GTF2I: variants seen among roughly 807,000 people sequenced by gnomAD.
GTF2I encodes general transcription factor II-I.
Under a neutral mutation model 67.6 loss-of-function variants are expected in GTF2I, and 12 were observed. The observed-to-expected ratio is 0.18, with a 90% CI of 0.11 to 0.29. GTF2I has a LOEUF of 0.29. GTF2I is among the 10% of genes least tolerant of loss of function. GTF2I has a pLI of 1.00. For missense variants in GTF2I, 271 were observed against 580.1 expected, an observed-to-expected ratio of 0.47 and a Z score of 5.47; for synonymous variants, 149 against 197.0, an observed-to-expected ratio of 0.76 and a Z score of 2.04.
chr7:74,720,715 C>G (rs1185902270), intron 12 of GTF2I, among the ~76,000 whole-genome samples: 1 of 147,466 alleles, frequency 6.8e-6, no homozygotes, highest in Non-Finnish European at 1.5e-5. Context: ...TTTGATTTGT[C>G]AAATCTTAAA....
intron 1 of GTF2I, among the ~76,000 whole-genome samples, chr7:74,686,779 A>C (rs1386275520): frequency 1.2e-4 from 18 of 152,176 alleles, no homozygotes. Flanking sequence ...TTACCTATTC[A>C]CTTGCTTGAT....
intron 2 of GTF2I, among the ~76,000 whole-genome samples, chr7:74,689,774 G>A (rs1375984297): frequency 6.6e-6 from 1 of 152,064 alleles, no homozygotes; most frequent in Admixed American, 6.6e-5. Flanking sequence ...GGGGTGCAAT[G>A]GCATGATATA....
chr7:74,681,399 C>T (rs1436809431), intron 1 of GTF2I, among the ~76,000 whole-genome samples: 3 of 151,626 alleles, frequency 2.0e-5, no homozygotes, highest in African/African-American at 4.9e-5. Context: ...CGTGCCATTG[C>T]ACTCTAGCCT....
chr7:74,714,773 C>A, intron 9 of GTF2I, 84 bp from the exon 10 acceptor site: 1 of 721,654 alleles, frequency 1.4e-6, no homozygotes, highest in Non-Finnish European at 2.3e-6. Flanking sequence ...TTCCATGTAT[C>A]TCACCCAAAT....
intron 3 of GTF2I, among the ~76,000 whole-genome samples, chr7:74,695,894 G>A (rs1788843359): frequency 6.6e-6 from 1 of 152,048 alleles, no homozygotes; most frequent in Non-Finnish European, 1.5e-5. Flanking sequence ...CCTGGCTTAT[G>A]TGGTTCTCCA....
chr7:74,695,610 T>C (rs587636843), intron 3 of GTF2I, among the ~76,000 whole-genome samples: 1 of 152,320 alleles, frequency 6.6e-6, no homozygotes, highest in South Asian at 2.1e-4. Flanking sequence ...TTCCCAATTG[T>C]ATTTTTAGTT....
intron 7 of GTF2I, among the ~76,000 whole-genome samples, chr7:74,705,436 CTG>C (rs1262140721): frequency 6.6e-6 from 1 of 152,054 alleles, no homozygotes; most frequent in African/African-American, 2.4e-5. Flanking sequence ...ATTGGTCACA[CTG>C]TGAATTGGCC....
intron 9 of GTF2I, among the ~76,000 whole-genome samples, chr7:74,712,750 G>A (rs587709151): frequency 9.7e-5 from 14 of 143,866 alleles, no homozygotes; most frequent in African/African-American, 3.4e-4. Context: ...TGCAACCTCC[G>A]CTTGCCGGGT....
intron 1 of GTF2I, among the ~76,000 whole-genome samples, chr7:74,688,005 A>G (rs782075118): frequency 6.6e-6 from 1 of 152,116 alleles, no homozygotes; most frequent in Middle Eastern, 3.2e-3. Context: ...TCAGTTTTAG[A>G]AATTTGCTTT....
rs1223244493 is a variant in GTF2I, at chr7:74,750,155, AATGGGCCGGGTGCGGCC to A, written c.2420+707_2420+723del. The stretch of plus-strand genomic sequence containing the variant: ...GGCTAACATAATTGAAATAGATAGG[AATGGGCCGGGTGCGGCC>A]ATAAATCCCAGCACTGTGGGAGGCT... On this transcript the variant is annotated intron_variant, in intron 26 of 34. Transcript: ENST00000573035. Among the ~76,000 whole-genome samples, 147 of 90,618 alleles carry A rather than the reference AATGGGCCGGGTGCGGCC, an allele frequency of 1.6e-3. 2 individuals are homozygous for A. The South Asian group carries it at 0.041, about 25-fold the overall frequency. 59.4% of individuals were successfully genotyped at this position (90,618 alleles called of 152,430 possible). A position where few individuals can be genotyped will look rare whatever the true frequency, so the allele number is the denominator to read the frequency against.
chr7:74,687,127 G>A (rs1032977924), intron 1 of GTF2I, among the ~76,000 whole-genome samples: 14 of 152,118 alleles, frequency 9.2e-5, no homozygotes, highest in Admixed American at 7.9e-4. Flanking sequence ...CTGGCCTCAT[G>A]AGAGTCACCT....
intron 6 of GTF2I, 112 bp from the exon 7 acceptor site, chr7:74,705,052 T>A: frequency 1.4e-6 from 1 of 715,662 alleles, no homozygotes; most frequent in Non-Finnish European, 2.5e-6. Flanking sequence ...TCTGGTGTGA[T>A]CCAGAGCTGC....
intron 1 of GTF2I, among the ~76,000 whole-genome samples, chr7:74,685,109 A>C (rs1248892929): frequency 2.0e-5 from 3 of 152,270 alleles, no homozygotes; most frequent in African/African-American, 7.2e-5. Flanking sequence ...GCAACCAATT[A>C]GAGGCTGACT....
chr7:74,676,180 T>C (rs1261791507), intron 1 of GTF2I, among the ~76,000 whole-genome samples: 1 of 152,162 alleles, frequency 6.6e-6, no homozygotes, highest in African/African-American at 2.4e-5. Context: ...AGATCCATTT[T>C]GTAAATTGTG....
At chr7:74,672,065 G>A (rs1197311575) in intron 1 of GTF2I, among the ~76,000 whole-genome samples, 2 of 151,742 alleles carry the variant, frequency 1.3e-5, no homozygotes, top group East Asian at 3.9e-4. Context: ...TTATTTGGAA[G>A]TACTTGCCAT....
chr7:74,707,046 C>T (rs1256020324), intron 8 of GTF2I, among the ~76,000 whole-genome samples: 4 of 152,158 alleles, frequency 2.6e-5, no homozygotes, highest in African/African-American at 4.8e-5. Flanking sequence ...GACGGGGTTT[C>T]GCCAGGTTGG....
At position 74,689,348 on chromosome 7, in the gene GTF2I, CTTTTTTTTTTTTTT is replaced by C. The variant is rs1162860651; in HGVS notation, c.99+132_99+145del. The stretch of plus-strand genomic sequence containing the variant: ...AGTTTTAATGAGTACTTTTTCTTTA[CTTTTTTTTTTTTTT>C]TTTTTTTTTTGAGACGGAGTCTTGC... On this transcript the variant is annotated intron_variant, in intron 2 of 34. Coordinates refer to ENST00000573035, the MANE Select transcript of GTF2I (RefSeq NM_032999.4). The C allele has an allele frequency of 2.1e-5, 3 of 144,744 alleles. No homozygotes were observed. In the East Asian group the frequency reaches 4.2e-4, roughly 20 times the overall value. The allele number at this position is 144,744 out of a possible 1,614,324, so 9.0% of individuals were successfully genotyped here.
intron 6 of GTF2I, among the ~76,000 whole-genome samples, chr7:74,701,688 C>T (rs1297642111): frequency 2.6e-5 from 4 of 152,108 alleles, no homozygotes; most frequent in Non-Finnish European, 4.4e-5. Flanking sequence ...TGATCTCGAA[C>T]TCCTGACCTC....
chr7:74,681,276 A>T (rs895726297), intron 1 of GTF2I, among the ~76,000 whole-genome samples: 7 of 152,162 alleles, frequency 4.6e-5, no homozygotes, highest in Non-Finnish European at 1.0e-4. Flanking sequence ...CTCTAAAAAA[A>T]ATACAAAAAT....
Sources: gnomAD v4.1 joint callset for allele counts (sites outside exome capture counted in the v4.1 genomes callset) on GRCh38, gnomAD v4.1.1 for gene constraint, MANE v1.5 for transcripts, NCBI Gene and HGNC (gene_info 2026-07-23, HGNC 2026-07-21) for gene names.